Variants in CACNB2 observed in about 807,000 individuals in gnomAD.
CACNB2 encodes the protein calcium voltage-gated channel auxiliary subunit beta 2, also known as voltage-dependent L-type calcium channel subunit beta-2.
Under a neutral mutation model 73.3 loss-of-function variants are expected in CACNB2, and 42 were observed. The ratio of observed to expected loss-of-function variants is 0.57; its 90% CI spans 0.45 to 0.74. The LOEUF is 0.74. Among genes scored for constraint, CACNB2 ranks in the 30% least tolerant of loss-of-function variants. The pLI, the probability that CACNB2 is intolerant of heterozygous loss-of-function variation, is 0.00. For synonymous variants in CACNB2, 348 were observed against 310.3 expected, an observed-to-expected ratio of 1.12 and a Z score of -1.28; for missense variants, 940 against 853.0, an observed-to-expected ratio of 1.10 and a Z score of -1.27.
At chr10:18,381,909 C>T (rs1295059708) in intron 2 of CACNB2, among the ~76,000 whole-genome samples, 2 of 151,932 alleles carry the variant, frequency 1.3e-5, no homozygotes, top group East Asian at 3.9e-4. Context: ...AGGTAGGGTC[C>T]ACTTATCCCC....
intron 2 of CACNB2, among the ~76,000 whole-genome samples, chr10:18,397,133 G>A (rs1011013756): frequency 1.3e-5 from 2 of 152,132 alleles, no homozygotes; most frequent in Non-Finnish European, 2.9e-5. Context: ...GCAGAGTACA[G>A]CATCAAAACA....
At chr10:18,183,367 A>G (rs1404794316) in intron 2 of CACNB2, among the ~76,000 whole-genome samples, 1 of 151,978 alleles carries the variant, frequency 6.6e-6, no homozygotes, top group Non-Finnish European at 1.5e-5. Context: ...CCTGCTGGTC[A>G]TTTAAAGTCT....
intron 3 of CACNB2, among the ~76,000 whole-genome samples, chr10:18,404,475 C>T (rs762724644): frequency 1.5e-4 from 23 of 152,168 alleles, no homozygotes; most frequent in Non-Finnish European, 2.5e-4. Flanking sequence ...AAAAACATAA[C>T]AATTCATGCT....
chr10:18,344,064 A>G (rs2132088424), intron 2 of CACNB2, among the ~76,000 whole-genome samples: 1 of 137,480 alleles, frequency 7.3e-6, no homozygotes, highest in African/African-American at 3.0e-5. Flanking sequence ...TCAAGCATTT[A>G]TCAAAAAAAA....
chr10:18,484,701 C>A (rs1209470414), intron 3 of CACNB2, among the ~76,000 whole-genome samples: 1 of 152,216 alleles, frequency 6.6e-6, no homozygotes. Flanking sequence ...AGCCCTGTCT[C>A]TCGTGCCACT....
chr10:18,463,698 C>A (rs1035835148), intron 3 of CACNB2, among the ~76,000 whole-genome samples: 1 of 151,884 alleles, frequency 6.6e-6, no homozygotes, highest in East Asian at 1.9e-4. Context: ...CCTCCCAAAG[C>A]AGGATTAGAG....
chr10:18,199,749 A>G (rs569435163), intron 2 of CACNB2, among the ~76,000 whole-genome samples: 80 of 152,270 alleles, frequency 5.3e-4, no homozygotes, highest in African/African-American at 1.7e-3. Context: ...TGTATGGAGA[A>G]GAGATTTTGA....
At chr10:18,294,649 G>C (rs888730889) in intron 2 of CACNB2, among the ~76,000 whole-genome samples, 1 of 152,216 alleles carries the variant, frequency 6.6e-6, no homozygotes, top group African/African-American at 2.4e-5. Flanking sequence ...CTTGAAGAAG[G>C]TAACAGAGTC....
chr10:18,456,817 G>C (rs762206306), intron 3 of CACNB2, among the ~76,000 whole-genome samples: 1 of 152,190 alleles, frequency 6.6e-6, no homozygotes, highest in Non-Finnish European at 1.5e-5. Flanking sequence ...GCATTTATCA[G>C]AATTTCTTTC....
intron 3 of CACNB2, among the ~76,000 whole-genome samples, chr10:18,411,868 T>G (rs1416214709): frequency 6.6e-6 from 1 of 152,332 alleles, no homozygotes; most frequent in East Asian, 1.9e-4. Flanking sequence ...ACAGCACTGA[T>G]GACTACACTA....
At chr10:18,216,773 C>T (rs577549630) in intron 2 of CACNB2, among the ~76,000 whole-genome samples, 1 of 152,152 alleles carries the variant, frequency 6.6e-6, no homozygotes, top group Non-Finnish European at 1.5e-5. Context: ...ATTCCTTAAT[C>T]TCTCCAAATT....
chr10:18,373,396 A>G (rs997717061), intron 2 of CACNB2, among the ~76,000 whole-genome samples: 1 of 152,224 alleles, frequency 6.6e-6, no homozygotes, highest in Non-Finnish European at 1.5e-5. Flanking sequence ...TCAACCCACC[A>G]TGATGATAGC....
chr10:18,364,394 G>A (rs952455259), intron 2 of CACNB2, among the ~76,000 whole-genome samples: 1 of 151,212 alleles, frequency 6.6e-6, no homozygotes, highest in Non-Finnish European at 1.5e-5. Flanking sequence ...TCCGTCTTCC[G>A]GGTTCTAGCA....
chr10:18,194,177 C>G (rs887106242), intron 2 of CACNB2, among the ~76,000 whole-genome samples: 1 of 152,174 alleles, frequency 6.6e-6, no homozygotes, highest in African/African-American at 2.4e-5. Flanking sequence ...AGTCCCTGCT[C>G]TTCCAGGTTT....
chr10:18,425,617 G>A (rs11014188), intron 3 of CACNB2, among the ~76,000 whole-genome samples: 23,259 of 152,030 alleles, frequency 0.15, 2,122 homozygotes, highest in East Asian at 0.22. Context: ...GCAGTGAGCC[G>A]ACATTGGACC....
At chr10:18,409,158 G>A (rs1002891880) in intron 3 of CACNB2, among the ~76,000 whole-genome samples, 1 of 152,138 alleles carries the variant, frequency 6.6e-6, no homozygotes, top group Non-Finnish European at 1.5e-5. Context: ...AAATAGCTGG[G>A]TGTGGTGTTG....
intron 2 of CACNB2, among the ~76,000 whole-genome samples, chr10:18,244,927 G>A (rs972060884): frequency 1.3e-5 from 2 of 152,218 alleles, no homozygotes; most frequent in African/African-American, 4.8e-5. Flanking sequence ...CAGAGAGGGA[G>A]ATAGGACAAC....
At chr10:18,307,983 C>CTATTTTTTTTTTTT (rs2039803471) in intron 2 of CACNB2, among the ~76,000 whole-genome samples, 1 of 70,268 alleles carries the variant, frequency 1.4e-5, no homozygotes, top group Non-Finnish European at 2.7e-5. Context: ...TATATGCCAA[C>CTATTTTTTTTTTTT]TTTTTTTTTT....
chr10:18,502,800 C>G (rs565525559), intron 5 of CACNB2, among the ~76,000 whole-genome samples: 2 of 149,018 alleles, frequency 1.3e-5, no homozygotes, highest in African/African-American at 5.0e-5. Context: ...ACACTGGGGA[C>G]TACTTGAGGG....
Sources: allele counts gnomAD v4.1 joint callset (sites outside exome capture counted in the v4.1 genomes callset), GRCh38; gene constraint gnomAD v4.1.1; transcripts MANE v1.5; gene names NCBI Gene and HGNC (gene_info 2026-07-23, HGNC 2026-07-21).